Variants in CLNK observed in about 807,000 individuals in gnomAD.
CLNK encodes the protein cytokine dependent hematopoietic cell linker, also known as cytokine-dependent hematopoietic cell linker.
Under a neutral mutation model 68.6 loss-of-function variants are expected in CLNK, and 74 were observed. That is an observed-to-expected ratio of 1.08 (90% confidence interval 0.89 to 1.31). CLNK has a LOEUF of 1.31. Among genes scored for constraint, CLNK ranks in the 50% most tolerant of loss-of-function variants. The pLI is 0.00. For synonymous variants in CLNK, 198 were observed against 172.2 expected, an observed-to-expected ratio of 1.15 and a Z score of -1.17; for missense variants, 553 against 515.3, an observed-to-expected ratio of 1.07 and a Z score of -0.71.
chr4:10,600,476 C>A (rs879553979), intron 2 of CLNK, among the ~76,000 whole-genome samples: 6 of 152,234 alleles, frequency 3.9e-5, no homozygotes, highest in South Asian at 2.1e-4. Flanking sequence ...ATTTAGGGAG[C>A]CAGGCCATAA....
intron 2 of CLNK, among the ~76,000 whole-genome samples, chr4:10,605,473 A>G: frequency 6.6e-6 from 1 of 152,182 alleles, no homozygotes; most frequent in Non-Finnish European, 1.5e-5. Flanking sequence ...TGGTACTTGT[A>G]TATATAAAGA....
chr4:10,645,230 C>T (rs1484629866), intron 2 of CLNK, among the ~76,000 whole-genome samples: 1 of 152,180 alleles, frequency 6.6e-6, no homozygotes, highest in Non-Finnish European at 1.5e-5. Context: ...GCTTCGCTGC[C>T]TCTAGCAGCT....
At chr4:10,497,975 C>T (rs932357768) in intron 18 of CLNK, among the ~76,000 whole-genome samples, 5 of 152,210 alleles carry the variant, frequency 3.3e-5, no homozygotes, top group African/African-American at 1.2e-4. Context: ...GTGGGCAGAT[C>T]ACCTGAGGTC....
intron 16 of CLNK, among the ~76,000 whole-genome samples, chr4:10,510,195 A>G (rs1717515581): frequency 1.3e-5 from 2 of 152,178 alleles, no homozygotes; most frequent in East Asian, 3.8e-4. Context: ...GCTGGTGCTC[A>G]GAAACTGAAC....
chr4:10,622,328 A>G (rs1261998056), intron 2 of CLNK, among the ~76,000 whole-genome samples: 1 of 152,204 alleles, frequency 6.6e-6, no homozygotes, highest in African/African-American at 2.4e-5. Flanking sequence ...ACCTGATTTC[A>G]AGCCTTATGT....
intron 13 of CLNK, 94 bp from the exon 14 acceptor site, chr4:10,526,016 A>G (rs1330085091): frequency 1.4e-6 from 1 of 703,902 alleles, no homozygotes; most frequent in Non-Finnish European, 2.4e-6. Flanking sequence ...ATTTCCTCCA[A>G]GTAATCTCTG....
At chr4:10,554,527 T>C (rs1358904127) in intron 8 of CLNK, among the ~76,000 whole-genome samples, 1 of 152,206 alleles carries the variant, frequency 6.6e-6, no homozygotes, top group Non-Finnish European at 1.5e-5. Flanking sequence ...TGAGGCCTAT[T>C]ATTTTTCTTG....
chr4:10,513,810 CAG>C (rs929199070), intron 15 of CLNK, among the ~76,000 whole-genome samples: 1 of 150,108 alleles, frequency 6.7e-6, no homozygotes, highest in African/African-American at 2.4e-5. Context: ...TTAGGGCTCC[CAG>C]AGTCATCTTT....
At chr4:10,499,404 T>C (rs1716943664) in intron 18 of CLNK, among the ~76,000 whole-genome samples, 1 of 152,216 alleles carries the variant, frequency 6.6e-6, no homozygotes, top group Non-Finnish European at 1.5e-5. Flanking sequence ...TTTTGAGCGT[T>C]ATTCCTAACA....
chr4:10,704,156 TAG>T, the CLNK span, among the ~76,000 whole-genome samples: 3 of 151,654 alleles, frequency 2.0e-5, no homozygotes, highest in African/African-American at 4.8e-5. Context: ...AAGAACATTC[TAG>T]AGAGAGAAAA....
chr4:10,505,080 C>T (rs1043947487), intron 17 of CLNK, among the ~76,000 whole-genome samples: 9 of 152,118 alleles, frequency 5.9e-5, no homozygotes, highest in Non-Finnish European at 1.0e-4. Context: ...GTTCTTCCGA[C>T]GGAAAACAGG....
intron 8 of CLNK, among the ~76,000 whole-genome samples, chr4:10,545,892 T>C (rs537015861): frequency 6.6e-6 from 1 of 152,266 alleles, no homozygotes; most frequent in South Asian, 2.1e-4. Flanking sequence ...GGGCCTCAAC[T>C]GGGGTTGCTT....
intron 7 of CLNK, among the ~76,000 whole-genome samples, chr4:10,559,641 A>G (rs1719812874): frequency 6.6e-6 from 1 of 152,084 alleles, no homozygotes; most frequent in Non-Finnish European, 1.5e-5. Context: ...GGGATTTGCA[A>G]TCTCAGGGTC....
At chr4:10,723,992 C>CAGCT in the CLNK span, among the ~76,000 whole-genome samples, 3 of 147,598 alleles carry the variant, frequency 2.0e-5, no homozygotes, top group African/African-American at 7.4e-5. Context: ...GATTAATAAG[C>CAGCT]AGCTATTTGA....
chr4:10,604,817 T>C (rs963583274), intron 2 of CLNK, among the ~76,000 whole-genome samples: 11 of 152,246 alleles, frequency 7.2e-5, no homozygotes, highest in African/African-American at 2.7e-4. Context: ...TGCAGTTTCA[T>C]GGTGTGATGG....
At chr4:10,681,334 T>C (rs1274338024) in intron 1 of CLNK, among the ~76,000 whole-genome samples, 1 of 152,232 alleles carries the variant, frequency 6.6e-6, no homozygotes, top group Non-Finnish European at 1.5e-5. Context: ...TCAAAACTGA[T>C]GGTGAAATGT....
At chr4:10,722,391 C>T in the CLNK span, among the ~76,000 whole-genome samples, 6 of 152,206 alleles carry the variant, frequency 3.9e-5, no homozygotes, top group East Asian at 9.6e-4. Context: ...CTCCCGCTAG[C>T]TCAGCTGGGC....
Position 10,542,256 on chromosome 4 carries a change from T to G in CLNK, c.470A>C (p.Lys157Thr). Reference sequence around the variant, plus strand: ...ATGCATTTTATTGATTTCTCTTACCTTGTTCTTTCTTACGGATGCATCTCC... The same window carrying G: ...ATGCATTTTATTGATTTCTCTTACCGTGTTCTTTCTTACGGATGCATCTCC... ...IKGDASVRKNKIPLPPPRPLI... is the reference protein window; with the variant it reads ...IKGDASVRKNTIPLPPPRPLI... Residue 157 changes from lysine (K) to threonine (T), a missense_variant and splice_region_variant, in exon 9 of 19, where the codon AAG becomes ACG. Transcript: ENST00000226951. The G allele has an allele frequency of 6.6e-7, 1 of 1,525,414 alleles. No homozygotes were observed. The highest frequency in any genetic ancestry group is 1.7e-4 in the Middle Eastern group (1 of 5,896). The allele number at this position is 1,525,414 out of a possible 1,614,324, so 94.5% of individuals were successfully genotyped here.
chr4:10,702,560 G>A, the CLNK span, among the ~76,000 whole-genome samples: 1 of 152,214 alleles, frequency 6.6e-6, no homozygotes, highest in Non-Finnish European at 1.5e-5. Flanking sequence ...CTAACTAAGA[G>A]CATCTTACAG....
Sources: allele counts gnomAD v4.1 joint callset (sites outside exome capture counted in the v4.1 genomes callset), GRCh38; gene constraint gnomAD v4.1.1; transcripts MANE v1.5; gene names NCBI Gene and HGNC (gene_info 2026-07-23, HGNC 2026-07-21).